Variants in LRRIQ3 observed in about 807,000 individuals in gnomAD.
The protein encoded by LRRIQ3 is leucine rich repeats and IQ motif containing 3.
A neutral mutation model predicts 59.3 loss-of-function variants in LRRIQ3; 75 were observed. The ratio of observed to expected loss-of-function variants is 1.26; its 90% CI spans 1.05 to 1.53. The LOEUF (loss-of-function observed/expected upper bound fraction) is 1.53, where lower values mean the gene tolerates loss of function less well. Ranked by LOEUF, LRRIQ3 falls within the 40% of genes most tolerant of loss-of-function variation. The probability of loss-of-function intolerance (pLI) is 0.00; values close to 1 mark genes in which losing one functional copy is unlikely to be tolerated. For missense variants in LRRIQ3, 831 were observed against 710.0 expected, an observed-to-expected ratio of 1.17 and a Z score of -1.94; for synonymous variants, 250 against 231.3, an observed-to-expected ratio of 1.08 and a Z score of -0.73.
Position 74,041,523 on chromosome 1 carries a change from T to A in LRRIQ3, c.1408A>T (p.Lys470Ter). 1 of 1,611,776 alleles carries A rather than the reference T, an allele frequency of 6.2e-7. No individual in the cohort carries two copies. The highest frequency in any genetic ancestry group is 8.5e-7 in the Non-Finnish European group (1 of 1,179,422). ...GTCTCTTTATTTTCTTCAATTAGTT[T>A]TTGTGTAGCATATTTTTTCTGATTC... is the stretch of plus-strand genomic sequence containing the variant. ...HLNQKKYATQ[K>*]LIEENKETIQ... Residue 470 changes from lysine to a stop codon, truncating the protein, a stop_gained, in exon 7 of 8, where the codon AAA becomes TAA. Coordinates refer to ENST00000354431, the MANE Select transcript of LRRIQ3 (RefSeq NM_001105659.2). LOFTEE classifies it high-confidence loss of function.
intron 5 of LRRIQ3, among the ~76,000 whole-genome samples, chr1:74,099,132 A>G (rs903722856): frequency 1.3e-5 from 2 of 152,092 alleles, no homozygotes; most frequent in African/African-American, 4.8e-5. Flanking sequence ...TTTTTTGAAA[A>G]GATCAATAAA....
At chr1:74,105,543 A>T (rs1194509214) in intron 5 of LRRIQ3, among the ~76,000 whole-genome samples, 6 of 152,068 alleles carry the variant, frequency 3.9e-5, no homozygotes, top group African/African-American at 1.4e-4. Flanking sequence ...GTGAGCCACC[A>T]TGGCTGGCCT....
intron 6 of LRRIQ3, among the ~76,000 whole-genome samples, chr1:74,050,920 G>C (rs1022917611): frequency 1.3e-5 from 2 of 151,986 alleles, no homozygotes. Context: ...CATTACACAC[G>C]CACATATACT....
In LRRIQ3 at chr1:74,198,159, C is replaced by G. The variant is rs368869827; in HGVS notation, c.-164G>C. ...ATGGTTTTCCGGGCGCCAGCCAAGGCGCTCCGGGGGCGTGGTTACGTGGGC... is the reference window on the plus strand; with the variant it reads ...ATGGTTTTCCGGGCGCCAGCCAAGGGGCTCCGGGGGCGTGGTTACGTGGGC... On this transcript the variant is annotated 5_prime_UTR_variant, in exon 1 of 8. Coordinates refer to ENST00000354431, the MANE Select transcript of LRRIQ3 (RefSeq NM_001105659.2). 8.0e-6 allele frequency: 12 copies of G among 1,506,628 alleles called. No individual in the cohort carries two copies. The highest frequency in any genetic ancestry group is 7.7e-5 in the South Asian group (6 of 77,538). The allele number at this position is 1,506,628 out of a possible 1,614,324, so 93.3% of individuals were successfully genotyped here.
At chr1:74,190,781 T>A (rs1570286900) in intron 1 of LRRIQ3, among the ~76,000 whole-genome samples, 1 of 152,174 alleles carries the variant, frequency 6.6e-6, no homozygotes, top group East Asian at 1.9e-4. Context: ...AAAGAATTTT[T>A]AAAAAATCTT....
At chr1:74,121,464 G>T (rs1269021992) in intron 4 of LRRIQ3, among the ~76,000 whole-genome samples, 1 of 152,124 alleles carries the variant, frequency 6.6e-6, no homozygotes, top group African/African-American at 2.4e-5. Flanking sequence ...AGACTATGTG[G>T]CACAGTAAGC....
Position 74,026,647 on chromosome 1 carries a change from CA to C in LRRIQ3, c.*165del. ...AGTCAACTTTAAGTTAAATTATGACCAATAAGAGAAACATTTTAACTAATCT... is the reference window on the plus strand; with the variant it reads ...AGTCAACTTTAAGTTAAATTATGACCATAAGAGAAACATTTTAACTAATCT... On this transcript the variant is annotated 3_prime_UTR_variant, in exon 8 of 8. Coordinates refer to ENST00000354431, the MANE Select transcript of LRRIQ3 (RefSeq NM_001105659.2). The C allele has an allele frequency of 1.8e-6, 1 of 569,058 alleles. No individual in the cohort carries two copies. Among genetic ancestry groups the C allele is most frequent in the Non-Finnish European group, 2.8e-6 (1 of 354,302 alleles). 35.3% of individuals were successfully genotyped at this position (569,058 alleles called of 1,614,324 possible).
intron 4 of LRRIQ3, among the ~76,000 whole-genome samples, chr1:74,135,626 T>C (rs1216548315): frequency 6.6e-6 from 1 of 151,892 alleles, no homozygotes; most frequent in East Asian, 1.9e-4. Context: ...TGGAAATAAA[T>C]TTATTATTTC....
At chr1:74,166,185 G>A (rs894926475) in intron 3 of LRRIQ3, among the ~76,000 whole-genome samples, 2 of 151,392 alleles carry the variant, frequency 1.3e-5, no homozygotes, top group Non-Finnish European at 3.0e-5. Context: ...ATCTAGTCTT[G>A]TATGTTTCTC....
intron 3 of LRRIQ3, among the ~76,000 whole-genome samples, chr1:74,176,688 G>A (rs1033234445): frequency 6.6e-6 from 1 of 151,892 alleles, no homozygotes; most frequent in Admixed American, 6.6e-5. Context: ...CTCCTGTGTG[G>A]TCTTAATTGG....
chr1:74,133,003 T>C (rs570566754), intron 4 of LRRIQ3, among the ~76,000 whole-genome samples: 26 of 151,932 alleles, frequency 1.7e-4, no homozygotes, highest in African/African-American at 5.8e-4. Flanking sequence ...ACAAAGAACT[T>C]AAACAAATTT....
chr1:74,179,283 C>T (rs541041039), intron 3 of LRRIQ3, among the ~76,000 whole-genome samples: 1 of 151,908 alleles, frequency 6.6e-6, no homozygotes, highest in South Asian at 2.1e-4. Flanking sequence ...TCGTTTTTTT[C>T]TGACTCAAAA....
At chr1:74,181,026 T>C (rs1397463048) in intron 3 of LRRIQ3, 1 of 474,164 alleles carries the variant, frequency 2.1e-6, no homozygotes, top group Non-Finnish European at 3.8e-6. Context: ...GACAAGAATT[T>C]TGTCAGTATT....
At chr1:74,085,000 G>T (rs954618043) in intron 5 of LRRIQ3, among the ~76,000 whole-genome samples, 1 of 151,510 alleles carries the variant, frequency 6.6e-6, no homozygotes, top group Non-Finnish European at 1.5e-5. Flanking sequence ...TATTTCTATA[G>T]CTCATAACTT....
chr1:74,099,042 A>C (rs1646491085), intron 5 of LRRIQ3, among the ~76,000 whole-genome samples: 2 of 152,196 alleles, frequency 1.3e-5, no homozygotes, highest in Non-Finnish European at 2.9e-5. Context: ...GAAGGCAAGA[A>C]ATAACTAAGA....
At chr1:74,125,479 G>T (rs1646922132) in intron 4 of LRRIQ3, among the ~76,000 whole-genome samples, 1 of 151,828 alleles carries the variant, frequency 6.6e-6, no homozygotes, top group Admixed American at 6.6e-5. Flanking sequence ...TCTGAATCTA[G>T]CTGTAGGTCT....
intron 4 of LRRIQ3, among the ~76,000 whole-genome samples, chr1:74,153,251 A>C (rs1317487728): frequency 1.1e-4 from 17 of 152,152 alleles, no homozygotes; most frequent in Admixed American, 1.1e-3. Flanking sequence ...TATCACCCGT[A>C]CTAGAAATAC....
At chr1:74,057,431 T>A (rs75611709) in intron 6 of LRRIQ3, among the ~76,000 whole-genome samples, 4 of 151,966 alleles carry the variant, frequency 2.6e-5, no homozygotes, top group African/African-American at 7.2e-5. Context: ...AGAGAGCCCA[T>A]AAATAAATTC....
intron 4 of LRRIQ3, among the ~76,000 whole-genome samples, chr1:74,130,475 C>T (rs960564901): frequency 2.0e-5 from 3 of 152,130 alleles, no homozygotes; most frequent in Non-Finnish European, 4.4e-5. Context: ...TGGCCACTGC[C>T]AGAGTGTGGG....
Sources: allele counts gnomAD v4.1 joint callset (sites outside exome capture counted in the v4.1 genomes callset), GRCh38; gene constraint gnomAD v4.1.1; transcripts MANE v1.5; gene names NCBI Gene and HGNC (gene_info 2026-07-23, HGNC 2026-07-21).